SLC6A6: variants seen among roughly 807,000 people sequenced by gnomAD.
SLC6A6 encodes sodium- and chloride-dependent taurine transporter.
In SLC6A6, 16 loss-of-function variants were observed where a neutral mutation model predicts 68.8. The observed-to-expected ratio is 0.23, with a 90% CI of 0.16 to 0.35. The LOEUF (loss-of-function observed/expected upper bound fraction) is 0.35, where lower values mean the gene tolerates loss of function less well. Ranked by LOEUF, SLC6A6 falls within the 10% of genes least tolerant of loss-of-function variation. The probability of loss-of-function intolerance (pLI) is 1.00; values close to 1 mark genes in which losing one functional copy is unlikely to be tolerated. For synonymous variants in SLC6A6, 312 were observed against 315.4 expected (o/e 0.99, Z 0.12); for missense variants, 474 against 802.8 (o/e 0.59, Z 4.95).
At chr3:14,418,263 G>A (rs1699409468) in intron 2 of SLC6A6, among the ~76,000 whole-genome samples, 1 of 152,174 alleles carries the variant, frequency 6.6e-6, no homozygotes, top group South Asian at 2.1e-4. Context: ...GGAAGGTTAA[G>A]CTCCCACTGG....
intron 2 of SLC6A6, among the ~76,000 whole-genome samples, chr3:14,441,275 G>A (rs1270166847): frequency 6.6e-6 from 1 of 152,112 alleles, no homozygotes; most frequent in African/African-American, 2.4e-5. Flanking sequence ...TCACTCGGAG[G>A]GAGTTGAGTC....
intron 7 of SLC6A6, among the ~76,000 whole-genome samples, 189 bp downstream of exon 7, chr3:14,466,839 T>C (rs112942391): frequency 0.019 from 2,969 of 152,324 alleles, 114 homozygotes; most frequent in African/African-American, 0.068. Flanking sequence ...ACGGTGCTGA[T>C]GGACCTTTCT....
At chr3:14,459,883 CTT>C (rs869191764) in intron 6 of SLC6A6, among the ~76,000 whole-genome samples, 1,680 of 39,628 alleles carry the variant, frequency 0.042, 7 homozygotes, top group South Asian at 0.14. Context: ...TAATTCTCTT[CTT>C]TTTTTTTTTT....
intron 6 of SLC6A6, among the ~76,000 whole-genome samples, chr3:14,465,228 T>C (rs115135859): frequency 0.017 from 2,549 of 152,344 alleles, 80 homozygotes; most frequent in African/African-American, 0.058. Context: ...CCATGAGAAC[T>C]GAAGCCACAA....
At chr3:14,403,013 G>A (rs1699020686) in intron 1 of SLC6A6, among the ~76,000 whole-genome samples, 166 bp downstream of exon 1, 1 of 152,134 alleles carries the variant, frequency 6.6e-6, no homozygotes. Context: ...GCTCAGTCCC[G>A]CTGGCGGGGC....
intron 10 of SLC6A6, among the ~76,000 whole-genome samples, chr3:14,476,146 T>A (rs1390551068): frequency 6.6e-6 from 1 of 152,228 alleles, no homozygotes; most frequent in Non-Finnish European, 1.5e-5. Flanking sequence ...CAGGGAAGTT[T>A]GGGTGTAGCC....
chr3:14,447,511 A>G, intron 4 of SLC6A6, 71 bp from the exon 5 acceptor site: 1 of 1,584,552 alleles, frequency 6.3e-7, no homozygotes, highest in African/African-American at 1.3e-5. Context: ...ATGGCCTTCC[A>G]GTTGAGTATG....
intron 2 of SLC6A6, among the ~76,000 whole-genome samples, chr3:14,426,356 G>A (rs930367285): frequency 6.6e-6 from 1 of 152,210 alleles, no homozygotes; most frequent in Admixed American, 6.5e-5. Context: ...AGGGTGGCTG[G>A]TTAAGGATTG....
chr3:14,406,388 G>A (rs1480975243), intron 1 of SLC6A6, among the ~76,000 whole-genome samples: 3 of 152,162 alleles, frequency 2.0e-5, no homozygotes, highest in Admixed American at 2.0e-4. Flanking sequence ...TAAGGATAGT[G>A]GGGCAGAAGC....
chr3:14,418,758 CT>C (rs2124908340), intron 2 of SLC6A6, among the ~76,000 whole-genome samples: 1 of 152,358 alleles, frequency 6.6e-6, no homozygotes, highest in East Asian at 1.9e-4. Flanking sequence ...CATGCACAGC[CT>C]CCTCAGGAGC....
chr3:14,430,776 G>A lies in SLC6A6; in HGVS notation c.-11-12848G>A, dbSNP rs117149625. Among the ~76,000 whole-genome samples the A allele has an allele frequency of 1.1e-3, 172 of 152,284 alleles. 1 individual carries two copies. In the East Asian group the frequency reaches 0.028, roughly 25 times the overall value. On this transcript the variant is annotated intron_variant, in intron 2 of 14. Transcript: ENST00000622186. ...AAGTTGGGGTTGTCGGGAATGTCCC[G>A]CCCCTCCACCACATCTTTCAGGCCT...
intron 2 of SLC6A6, among the ~76,000 whole-genome samples, chr3:14,421,295 C>G (rs1015904271): frequency 1.3e-5 from 2 of 152,172 alleles, no homozygotes; most frequent in African/African-American, 4.8e-5. Flanking sequence ...AAAACATACT[C>G]CATCCTCTAG....
intron 4 of SLC6A6, among the ~76,000 whole-genome samples, chr3:14,447,329 CATCT>C (rs1317537985): frequency 3.3e-5 from 5 of 152,162 alleles, no homozygotes; most frequent in Admixed American, 6.6e-5. Flanking sequence ...TTCATCCATC[CATCT>C]ATTTATCCAT....
chr3:14,434,979 GCTGT>G lies in SLC6A6; in HGVS notation c.-11-8642_-11-8639del, dbSNP rs1288377634. Among the ~76,000 whole-genome samples, 5 of 152,228 alleles carry G rather than the reference GCTGT, an allele frequency of 3.3e-5. No individual in the cohort carries two copies. The East Asian group carries it at 9.6e-4, about 29-fold the overall frequency. On this transcript the variant is annotated intron_variant, in intron 2 of 14. Transcript: ENST00000622186. ...TTTATGAGGGGAAGGTGACAAGTTGGCTGTCTATTAGACTCATACCGTGTCTCGC... is the reference window on the plus strand; with the variant it reads ...TTTATGAGGGGAAGGTGACAAGTTGGCTATTAGACTCATACCGTGTCTCGC...
chr3:14,425,437 G>A (rs577990246), intron 2 of SLC6A6, among the ~76,000 whole-genome samples: 1 of 152,172 alleles, frequency 6.6e-6, no homozygotes, highest in Non-Finnish European at 1.5e-5. Flanking sequence ...ACATTGTCGG[G>A]AGGAATTATG....
chr3:14,469,658 T>A (rs1236650208), intron 9 of SLC6A6, among the ~76,000 whole-genome samples: 1 of 152,166 alleles, frequency 6.6e-6, no homozygotes, highest in Non-Finnish European at 1.5e-5. Flanking sequence ...GTCCCCCTCC[T>A]GCCATCCAGC....
intron 14 of SLC6A6, among the ~76,000 whole-genome samples, chr3:14,482,432 C>T (rs1175271223): frequency 1.3e-5 from 2 of 152,380 alleles, no homozygotes; most frequent in South Asian, 2.1e-4. Flanking sequence ...TCAGAAATTC[C>T]TCCAACAGCC....
At chr3:14,463,781 T>C (rs1700551114) in intron 6 of SLC6A6, among the ~76,000 whole-genome samples, 2 of 152,242 alleles carry the variant, frequency 1.3e-5, no homozygotes, top group South Asian at 4.1e-4. Flanking sequence ...GAGATGACGG[T>C]GGCTGGAGAA....
chr3:14,419,017 T>C (rs1699428163), intron 2 of SLC6A6, among the ~76,000 whole-genome samples: 1 of 152,182 alleles, frequency 6.6e-6, no homozygotes, highest in Non-Finnish European at 1.5e-5. Context: ...GCCGTGAGGC[T>C]GGAATGTGAG....
Sources: allele counts gnomAD v4.1 joint callset (sites outside exome capture counted in the v4.1 genomes callset), GRCh38; gene constraint gnomAD v4.1.1; transcripts MANE v1.5; gene names NCBI Gene and HGNC (gene_info 2026-07-23, HGNC 2026-07-21).